UGT3A1: variants seen among roughly 807,000 people sequenced by gnomAD.
UGT3A1 encodes the protein UDP glycosyltransferase family 3 member A1.
A neutral mutation model predicts 37.6 loss-of-function variants in UGT3A1; 40 were observed. The observed-to-expected ratio is 1.06, with a 90% CI of 0.83 to 1.38. UGT3A1 has a LOEUF of 1.38. UGT3A1 is among the 40% of genes most tolerant of loss of function. The pLI, the probability that UGT3A1 is intolerant of heterozygous loss-of-function variation, is 0.00. For missense variants in UGT3A1, 642 were observed against 634.2 expected, an observed-to-expected ratio of 1.01 and a Z score of -0.13; for synonymous variants, 256 against 232.3, an observed-to-expected ratio of 1.10 and a Z score of -0.93.
chr5:35,995,954 T>G (rs1384460887), upstream of UGT3A1, among the ~76,000 whole-genome samples: 2 of 149,840 alleles, frequency 1.3e-5, no homozygotes, highest in Non-Finnish European at 2.9e-5. Context: ...AAATGGCACA[T>G]GACAAATTGG....
At chr5:35,958,236 T>A (rs1739436013) in intron 4 of UGT3A1, among the ~76,000 whole-genome samples, 1 of 152,246 alleles carries the variant, frequency 6.6e-6, no homozygotes, top group South Asian at 2.1e-4. Flanking sequence ...GATATTTGCA[T>A]AGCTACCTAG....
At chr5:35,987,262 C>A (rs1361198276) in intron 2 of UGT3A1, among the ~76,000 whole-genome samples, 1 of 152,108 alleles carries the variant, frequency 6.6e-6, no homozygotes, top group Non-Finnish European at 1.5e-5. Flanking sequence ...CAGAGCTCTA[C>A]CCAAATACTA....
At chr5:35,985,079 TA>T (rs59401195) in intron 2 of UGT3A1, among the ~76,000 whole-genome samples, 1,832 of 116,032 alleles carry the variant, frequency 0.016, 40 homozygotes, top group African/African-American at 0.053. Context: ...ACATAAAATA[TA>T]AAAAAAAAAA....
chr5:35,961,756 C>G (rs987231449), intron 4 of UGT3A1: 1 of 152,182 alleles, frequency 6.6e-6, no homozygotes, highest in Admixed American at 6.5e-5. Flanking sequence ...TCCCAGGGCC[C>G]ATTTCTGCAA....
At chr5:35,988,928 C>G (rs560450598) in intron 1 of UGT3A1, among the ~76,000 whole-genome samples, 15 of 152,158 alleles carry the variant, frequency 9.9e-5, no homozygotes, top group Non-Finnish European at 1.6e-4. Flanking sequence ...CAAAATATAA[C>G]TGCAATGATA....
chr5:35,990,339 T>C (rs1328767999), intron 1 of UGT3A1, among the ~76,000 whole-genome samples: 5 of 152,054 alleles, frequency 3.3e-5, no homozygotes, highest in African/African-American at 1.2e-4. Context: ...TTCTCCGTGA[T>C]CTAAAAGGAA....
At chr5:35,986,321 T>C (rs1247808270) in intron 2 of UGT3A1, among the ~76,000 whole-genome samples, 2 of 152,124 alleles carry the variant, frequency 1.3e-5, no homozygotes, top group East Asian at 3.8e-4. Flanking sequence ...CACTACTAGA[T>C]ATATAATCCA....
In UGT3A1 at chr5:35,965,709, C is replaced by T; in HGVS notation, c.520G>A (p.Asp174Asn). The change falls in exon 4 of 7, where the codon GAT becomes AAT. Residue 174 changes from aspartate (D) to asparagine (N), a missense_variant. Physicochemically the swap from Asp to Asn is conservative, Grantham distance 23. Transcript: ENST00000274278. ...AILPTTFGSL[D>N]FGLPSPLSYV... ...GACAAGGGGCTTGGTAGCCCAAAATCCAAAGAGCCGAATGTGGTGGGAAGA... is the reference window on the plus strand; with the variant it reads ...GACAAGGGGCTTGGTAGCCCAAAATTCAAAGAGCCGAATGTGGTGGGAAGA... 1 of 1,614,142 alleles carries T rather than the reference C, an allele frequency of 6.2e-7. No homozygotes were observed. The highest frequency in any genetic ancestry group is 8.5e-7 in the Non-Finnish European group (1 of 1,180,008).
Position 35,952,683 on chromosome 5 carries a change from C to T in UGT3A1, c.*1519G>A, listed in dbSNP as rs1739220153. 1.3e-5 allele frequency: 2 copies of T among 152,228 alleles called. 1 individual carries two copies. The highest frequency in any genetic ancestry group is 4.1e-4 in the South Asian group (2 of 4,830). 9.4% of individuals were successfully genotyped at this position (152,228 alleles called of 1,614,324 possible). A position where few individuals can be genotyped will look rare whatever the true frequency, so the allele number is the denominator to read the frequency against. Reference sequence around the variant, plus strand: ...TCAACAGAAAACACAGGGAAGCATCCATGTCTGCCCTTCATGGGAGTATGG... The same window carrying T: ...TCAACAGAAAACACAGGGAAGCATCTATGTCTGCCCTTCATGGGAGTATGG... On this transcript the variant is annotated 3_prime_UTR_variant, in exon 7 of 7. Coordinates refer to ENST00000274278, the MANE Select transcript of UGT3A1 (RefSeq NM_152404.4).
At chr5:35,977,987 C>A (rs1327998632) in intron 2 of UGT3A1, among the ~76,000 whole-genome samples, 1 of 152,178 alleles carries the variant, frequency 6.6e-6, no homozygotes, top group Non-Finnish European at 1.5e-5. Context: ...GATGGATTCA[C>A]AAGTATATAC....
intron 2 of UGT3A1, among the ~76,000 whole-genome samples, chr5:35,982,522 T>C (rs1466606641): frequency 1.3e-5 from 2 of 152,236 alleles, no homozygotes; most frequent in Admixed American, 1.3e-4. Flanking sequence ...TTAGGACAAT[T>C]TCTCCCATTT....
At chr5:35,995,135 T>G (rs1368735273), upstream of UGT3A1, among the ~76,000 whole-genome samples, 1 of 152,150 alleles carries the variant, frequency 6.6e-6, no homozygotes, top group East Asian at 1.9e-4. Context: ...TTTATCTCTC[T>G]TAAAGAGCTA....
At chr5:35,972,450 G>A (rs566704203) in intron 2 of UGT3A1, among the ~76,000 whole-genome samples, 1 of 151,040 alleles carries the variant, frequency 6.6e-6, no homozygotes, top group African/African-American at 2.4e-5. Flanking sequence ...ATAGATTTTG[G>A]ACTTGCTAAC....
Position 35,951,086 on chromosome 5 carries a change from T to C in UGT3A1, c.*3116A>G, listed in dbSNP as rs1739193138. On this transcript the variant is annotated 3_prime_UTR_variant, in exon 7 of 7. Transcript: ENST00000274278. ...AAGTACTGTGTTTAAAAGGTAATGA[T>C]GCTAATTTTTTTCACTACAGTATAG... 1 of 152,166 alleles carries C rather than the reference T, an allele frequency of 6.6e-6. No homozygotes were observed. The highest frequency in any genetic ancestry group is 6.5e-5 in the Admixed American group (1 of 15,284). The allele number at this position is 152,166 out of a possible 1,614,324, so 9.4% of individuals were successfully genotyped here. A position where few individuals can be genotyped will look rare whatever the true frequency, so the allele number is the denominator to read the frequency against.
rs1479409395 is a variant in UGT3A1, at chr5:35,957,180, G to A, written c.1075+8C>T. 1 of 1,612,426 alleles carries A rather than the reference G, an allele frequency of 6.2e-7. No individual in the cohort carries two copies. Among genetic ancestry groups the A allele is most frequent in the South Asian group, 1.1e-5 (1 of 91,016 alleles). ...GGAAAGAGAAGAGCAGACCTAAGCA[G>A]TCCTTACCCAGGAGGTCACTCTGAG... On this transcript the variant is annotated splice_region_variant and intron_variant, in intron 5 of 6. Transcript: ENST00000274278.
intron 4 of UGT3A1, among the ~76,000 whole-genome samples, chr5:35,960,593 T>C (rs571410591): frequency 6.6e-6 from 1 of 152,096 alleles, no homozygotes; most frequent in East Asian, 1.9e-4. Flanking sequence ...TAAGGGTGGG[T>C]GCCTGCAACT....
At chr5:35,971,701 TC>T (rs1457156784) in intron 2 of UGT3A1, among the ~76,000 whole-genome samples, 1 of 152,044 alleles carries the variant, frequency 6.6e-6, no homozygotes, top group Non-Finnish European at 1.5e-5. Flanking sequence ...GAAGGCAGGC[TC>T]CCTCCCTCTT....
Position 35,955,684 on chromosome 5 carries a change from G to T in UGT3A1, c.1256C>A (p.Thr419Lys). 1 of 1,614,194 alleles carries T rather than the reference G, an allele frequency of 6.2e-7. No individual in the cohort carries two copies. The highest frequency in any genetic ancestry group is 8.5e-7 in the Non-Finnish European group (1 of 1,180,036). ...GACTTGTTTCATTGTAAGTGTCAGT[G>T]TGTCGGCTGTGACCTGATTCAACCG... ...SIRLNQVTAD[T>K]LTLTMKQVIE... is the part of the protein sequence containing the mutation. The change falls in exon 6 of 7, where the codon ACA becomes AAA. Residue 419 changes from threonine to lysine, a missense_variant. Physicochemically the swap from Thr to Lys is moderately conservative, Grantham distance 78 (BLOSUM62 -1). Coordinates refer to ENST00000274278, the MANE Select transcript of UGT3A1 (RefSeq NM_152404.4).
intron 2 of UGT3A1, among the ~76,000 whole-genome samples, chr5:35,983,752 AT>A (rs770388537): frequency 1.3e-4 from 20 of 152,238 alleles, no homozygotes; most frequent in Non-Finnish European, 2.6e-4. Flanking sequence ...ACATATGCAA[AT>A]CAACAAACAT....
Sources: gnomAD v4.1 joint callset for allele counts (sites outside exome capture counted in the v4.1 genomes callset) on GRCh38, gnomAD v4.1.1 for gene constraint, MANE v1.5 for transcripts, NCBI Gene and HGNC (gene_info 2026-07-23, HGNC 2026-07-21) for gene names.